The following ADAD1 variants were observed in gnomAD, a reference collection of about 807,000 sequenced individuals.
ADAD1 encodes the protein adenosine deaminase domain containing 1, also known as adenosine deaminase domain-containing protein 1.
Under a neutral mutation model 66.8 loss-of-function variants are expected in ADAD1, and 46 were observed. That is an observed-to-expected ratio of 0.69 (90% confidence interval 0.54 to 0.88). The LOEUF is 0.88. ADAD1 is among the 40% of genes least tolerant of loss of function. The pLI is 0.00. For synonymous variants in ADAD1, 248 were observed against 229.4 expected, an observed-to-expected ratio of 1.08 and a Z score of -0.73; for missense variants, 617 against 681.8, an observed-to-expected ratio of 0.91 and a Z score of 1.06.
chr4:122,415,355 G>A (rs1312539556), intron 10 of ADAD1, 24 bp from the exon 11 acceptor site: 1 of 1,550,202 alleles, frequency 6.5e-7, no homozygotes, highest in Non-Finnish European at 8.8e-7. Context: ...TATTGAACTT[G>A]AGTGTTTTGT....
In ADAD1 at chr4:122,424,484, C is replaced by T. The variant is rs144118653; in HGVS notation, c.1617+3094C>T. On this transcript the variant is annotated intron_variant, in intron 12 of 12. Transcript: ENST00000296513. ...ATCGCTCTATATTGAAATAAAGTTG[C>T]TGTTTTACCATAAGCCAGTATGAAT... 8.9e-4 allele frequency among the ~76,000 whole-genome samples: 135 copies of T among 152,150 alleles called. 1 individual carries two copies. The Middle Eastern group carries it at 0.014, about 15-fold the overall frequency.
At chr4:122,395,444 A>G (rs140933264) in intron 6 of ADAD1, among the ~76,000 whole-genome samples, 1,841 of 152,144 alleles carry the variant, frequency 0.012, 34 homozygotes, top group African/African-American at 0.041. Flanking sequence ...GCACTTTGTG[A>G]GGCCAAGGCG....
chr4:122,382,535 C>T (rs1174183721), intron 4 of ADAD1, among the ~76,000 whole-genome samples: 1 of 152,132 alleles, frequency 6.6e-6, no homozygotes, highest in African/African-American at 2.4e-5. Context: ...CCACCCCAGC[C>T]TCCCAAATAG....
chr4:122,411,109 G>A (rs2150579749), intron 8 of ADAD1, 113 bp from the exon 9 acceptor site: 1 of 845,682 alleles, frequency 1.2e-6, no homozygotes, highest in Non-Finnish European at 1.8e-6. Flanking sequence ...TCTTACCTGT[G>A]TCAAAACTTT....
At chr4:122,400,954 G>C (rs909779863) in intron 7 of ADAD1, among the ~76,000 whole-genome samples, 1 of 151,818 alleles carries the variant, frequency 6.6e-6, no homozygotes, top group Non-Finnish European at 1.5e-5. Context: ...CCAGCTTTTC[G>C]TTTCATTTAT....
At chr4:122,412,902 C>A in intron 10 of ADAD1, 93 bp downstream of exon 10, 1 of 1,056,728 alleles carries the variant, frequency 9.5e-7, no homozygotes, top group Non-Finnish European at 1.4e-6. Context: ...TTAGTTTTTG[C>A]ATACGTGAAA....
intron 5 of ADAD1, among the ~76,000 whole-genome samples, chr4:122,391,223 G>T (rs1392997146): frequency 6.6e-6 from 1 of 152,148 alleles, no homozygotes; most frequent in Non-Finnish European, 1.5e-5. Flanking sequence ...GAACAGCAAA[G>T]ATGGGTGCCT....
At chr4:122,395,288 C>T (rs984929706) in intron 6 of ADAD1, among the ~76,000 whole-genome samples, 6 of 151,954 alleles carry the variant, frequency 3.9e-5, no homozygotes, top group African/African-American at 1.2e-4. Context: ...TGACCTCAAG[C>T]GATCCACCTC....
At chr4:122,384,175 T>C (rs962771447) in intron 5 of ADAD1, among the ~76,000 whole-genome samples, 5 of 152,226 alleles carry the variant, frequency 3.3e-5, no homozygotes, top group African/African-American at 1.2e-4. Context: ...ATAATCATGT[T>C]GCTAAACTGT....
chr4:122,383,168 C>T (rs1794984888), intron 4 of ADAD1, among the ~76,000 whole-genome samples: 1 of 152,058 alleles, frequency 6.6e-6, no homozygotes, highest in Non-Finnish European at 1.5e-5. Context: ...GATGACTGGA[C>T]ATTCAGTTTA....
intron 7 of ADAD1, among the ~76,000 whole-genome samples, chr4:122,407,480 A>G (rs1796267880): frequency 6.6e-6 from 1 of 152,204 alleles, no homozygotes; most frequent in South Asian, 2.1e-4. Context: ...AGAGAAAGAA[A>G]TTAATTTGAT....
intron 12 of ADAD1, among the ~76,000 whole-genome samples, chr4:122,428,065 GAT>G (rs1355043285): frequency 1.5e-5 from 2 of 131,114 alleles, no homozygotes; most frequent in African/African-American, 6.4e-5. Flanking sequence ...GAAATGGTGG[GAT>G]ATGTGTGGGT....
At chr4:122,406,536 T>C (rs935920061) in intron 7 of ADAD1, among the ~76,000 whole-genome samples, 1 of 152,190 alleles carries the variant, frequency 6.6e-6, no homozygotes, top group African/African-American at 2.4e-5. Context: ...GTCGATTATT[T>C]TGTTTGCTTT....
At chr4:122,422,956 TAAAAAAAAA>T (rs537676034) in intron 12 of ADAD1, among the ~76,000 whole-genome samples, 3 of 97,200 alleles carry the variant, frequency 3.1e-5, no homozygotes, top group East Asian at 3.2e-4. Context: ...TATTTCTCTT[TAAAAAAAAA>T]AAAAAAAAAA....
chr4:122,382,854 T>C (rs917902169), intron 4 of ADAD1, among the ~76,000 whole-genome samples: 1 of 152,218 alleles, frequency 6.6e-6, no homozygotes, highest in Non-Finnish European at 1.5e-5. Context: ...TGAGATGTTA[T>C]GGGGAAAGCA....
rs558027455 is a variant in ADAD1 at position 122,408,894 on chromosome 4, A to AT, written c.848+863_848+864insT. On this transcript the variant is annotated intron_variant, in intron 8 of 12. Transcript: ENST00000296513. Reference sequence around the variant, plus strand: ...GTACATCTTGTCTCAAAAAAAAAAAAATCCTACAATATATTTTTTTGAAAG... The same window carrying AT: ...GTACATCTTGTCTCAAAAAAAAAAAATATCCTACAATATATTTTTTTGAAAG... 4.2e-3 allele frequency among the ~76,000 whole-genome samples: 646 copies of AT among 152,136 alleles called. 2 individuals are homozygous for AT. The highest frequency in any genetic ancestry group is 0.014 in the African/African-American group (583 of 41,488).
chr4:122,414,614 A>T (rs1796642792), intron 10 of ADAD1, among the ~76,000 whole-genome samples: 1 of 152,100 alleles, frequency 6.6e-6, no homozygotes, highest in South Asian at 2.1e-4. Flanking sequence ...AATTTTAATC[A>T]TAAGGACACA....
intron 12 of ADAD1, among the ~76,000 whole-genome samples, chr4:122,427,523 CTT>C (rs59864757): frequency 1.3e-4 from 9 of 71,980 alleles, no homozygotes; most frequent in African/African-American, 2.9e-4. Context: ...ATCCAAAGGC[CTT>C]TTTTTTTTTT....
Position 122,429,669 on chromosome 4 carries a change from C to A in ADAD1, c.1661C>A (p.Ser554Tyr), listed in dbSNP as rs1455610385. ...SYQEAKCKLK[S>Y]YLQQHGYGSW... ...CAAGAAGCTAAATGTAAGTTGAAAT[C>A]CTACTTACAACAACATGGCTATGGA... The change falls in exon 13 of 13, where the codon TCC becomes TAC. Residue 554 changes from serine (S) to tyrosine (Y), a missense_variant. Physicochemically the swap from Ser to Tyr is moderately radical, Grantham distance 144. Transcript: ENST00000296513. The A allele has an allele frequency of 6.2e-7, 1 of 1,613,320 alleles. No homozygotes were observed. The highest frequency in any genetic ancestry group is 1.1e-5 in the South Asian group (1 of 91,024).
Sources: gnomAD v4.1 joint callset for allele counts (sites outside exome capture counted in the v4.1 genomes callset) on GRCh38, gnomAD v4.1.1 for gene constraint, MANE v1.5 for transcripts, NCBI Gene and HGNC (gene_info 2026-07-23, HGNC 2026-07-21) for gene names.